PCDHGB4: variants seen among roughly 807,000 people sequenced by gnomAD.
PCDHGB4 encodes protocadherin gamma subfamily B, 4.
Under a neutral mutation model 60.5 loss-of-function variants are expected in PCDHGB4, and 38 were observed. The ratio of observed to expected loss-of-function variants is 0.63; its 90% confidence interval spans 0.48 to 0.82. The LOEUF (loss-of-function observed/expected upper bound fraction) is 0.82, where lower values mean the gene tolerates loss of function less well. Ranked by LOEUF, PCDHGB4 falls within the 40% of genes least tolerant of loss-of-function variation. PCDHGB4 has a pLI of 0.00. For missense variants in PCDHGB4, 1,109 were observed against 1,209.6 expected (o/e 0.92, Z 1.23); for synonymous variants, 456 against 509.7 (o/e 0.89, Z 1.42).
At position 141,485,939 on chromosome 5, in the gene PCDHGB4, C is replaced by A; in HGVS notation, c.2398-8868C>A. ...CAGGATTAGTGTGTTGGAGAGCGCA[C>A]CAGCGGGCATGGTGCTCATCCAGCT... On this transcript the variant is annotated intron_variant, in intron 1 of 3. Transcript: ENST00000519479. This position sits in a 1 kb window ranked among gnomAD's most constrained non-coding sequence, Gnocchi z 5.7. 1 of 1,614,140 alleles carries A rather than the reference C, an allele frequency of 6.2e-7. No homozygotes were observed. The highest frequency in any genetic ancestry group is 8.5e-7 in the Non-Finnish European group (1 of 1,180,030).
intron 1 of PCDHGB4, chr5:141,412,395 T>G (rs941350125): frequency 1.3e-5 from 2 of 152,246 alleles, no homozygotes; most frequent in African/African-American, 4.8e-5. Flanking sequence ...ATTTAACTTG[T>G]ATCCCTGTAA....
chr5:141,414,572 C>T, intron 1 of PCDHGB4: 1 of 1,613,960 alleles, frequency 6.2e-7, no homozygotes, highest in Non-Finnish European at 8.5e-7. Context: ...ACCTATATCC[C>T]AGAGAACAAC....
chr5:141,462,656 A>G (rs1427673992), intron 1 of PCDHGB4, among the ~76,000 whole-genome samples: 2 of 151,950 alleles, frequency 1.3e-5, no homozygotes, highest in African/African-American at 4.8e-5. Context: ...ATCCTCAATT[A>G]TCTTCATATT....
intron 1 of PCDHGB4, chr5:141,417,697 C>T: frequency 8.8e-7 from 1 of 1,140,966 alleles, no homozygotes; most frequent in Non-Finnish European, 1.2e-6. Context: ...AAAACCAGCT[C>T]CCACACAGAG....
chr5:141,412,973 C>G, intron 1 of PCDHGB4: 1 of 528,318 alleles, frequency 1.9e-6, no homozygotes, highest in Non-Finnish European at 3.3e-6. Flanking sequence ...GGAGAGAAAA[C>G]GCAGCCAGAG....
rs994726301 is a variant in PCDHGB4, at chr5:141,476,632, T to C, written c.2398-18175T>C. ...TGGGAAGCAACTCTTTACAAACCTA[T>C]GAGCTGAGCCGAAATGAATACTTTG... On this transcript the variant is annotated intron_variant, in intron 1 of 3. Transcript: ENST00000519479. The surrounding 1 kb of genome is among the most constrained non-coding windows in gnomAD (Gnocchi z 7.6). The C allele has an allele frequency of 8.7e-6, 14 of 1,614,098 alleles. No homozygotes were observed. Among genetic ancestry groups the C allele is most frequent in the Admixed American group, 1.7e-5 (1 of 60,016 alleles).
chr5:141,450,258 T>A (rs1267755848), intron 1 of PCDHGB4, among the ~76,000 whole-genome samples: 1 of 152,096 alleles, frequency 6.6e-6, no homozygotes, highest in Non-Finnish European at 1.5e-5. Context: ...CCTCAAGTGA[T>A]CTGCCCACCT....
intron 1 of PCDHGB4, among the ~76,000 whole-genome samples, chr5:141,457,187 G>A (rs1314148733): frequency 1.3e-5 from 2 of 152,210 alleles, no homozygotes; most frequent in Admixed American, 1.3e-4. Flanking sequence ...ATAGTAGAGT[G>A]AGGAAAGCAG....
chr5:141,400,337 C>G (rs752660585), intron 1 of PCDHGB4: 7 of 1,614,080 alleles, frequency 4.3e-6, no homozygotes, highest in African/African-American at 2.7e-5. Flanking sequence ...GTGGTTCCCC[C>G]CAACTACAGT....
chr5:141,501,162 C>T (rs922957843), intron 2 of PCDHGB4, among the ~76,000 whole-genome samples: 1 of 152,134 alleles, frequency 6.6e-6, no homozygotes, highest in Non-Finnish European at 1.5e-5. Context: ...CCACCATCCC[C>T]AGCCTCATTT....
intron 1 of PCDHGB4, among the ~76,000 whole-genome samples, chr5:141,434,630 A>G (rs2097706465): frequency 6.6e-6 from 1 of 152,106 alleles, no homozygotes; most frequent in African/African-American, 2.4e-5. Flanking sequence ...CGTTTCCCAT[A>G]AGGGATACTT....
chr5:141,482,885 A>G (rs1353686606), intron 1 of PCDHGB4, among the ~76,000 whole-genome samples: 2 of 152,202 alleles, frequency 1.3e-5, no homozygotes. Flanking sequence ...CAGCCTGGCC[A>G]ACATGGTGAA....
intron 1 of PCDHGB4, chr5:141,399,663 G>C: frequency 6.2e-7 from 1 of 1,613,624 alleles, no homozygotes; most frequent in Non-Finnish European, 8.5e-7. Context: ...TGGTGTTCGC[G>C]CAGCGCGCCT....
At chr5:141,419,159 T>G in intron 1 of PCDHGB4, 1 of 1,613,916 alleles carries the variant, frequency 6.2e-7, no homozygotes, top group Non-Finnish European at 8.5e-7. Flanking sequence ...TCCGTTATCC[T>G]CCAGCAAAAC....
intron 1 of PCDHGB4, chr5:141,419,265 C>G: frequency 6.2e-7 from 1 of 1,614,040 alleles, no homozygotes; most frequent in Non-Finnish European, 8.5e-7. Context: ...CAGCCGGGTG[C>G]CTCCATAGCG....
At position 141,431,337 on chromosome 5, in the gene PCDHGB4, A is replaced by C. The variant is rs1412811147; in HGVS notation, c.2397+41056A>C. On this transcript the variant is annotated intron_variant, in intron 1 of 3. Coordinates refer to ENST00000519479, the MANE Select transcript of PCDHGB4 (RefSeq NM_003736.4). The surrounding 1 kb of genome is among the most constrained non-coding windows in gnomAD (Gnocchi z 4.8). ...GGAGCCGACGGTAGTAAGTACCCCG[A>C]ATTGGTGCTGAAACGCGCCCTGGAC... 6.2e-7 allele frequency: 1 copy of C among 1,613,926 alleles called. No homozygotes were observed. The highest frequency in any genetic ancestry group is 1.7e-5 in the Admixed American group (1 of 60,006).
intron 1 of PCDHGB4, chr5:141,415,463 T>G: frequency 6.2e-7 from 1 of 1,614,228 alleles, no homozygotes; most frequent in South Asian, 1.1e-5. Flanking sequence ...GAGGTCTCTC[T>G]CACCGCGGAC....
intron 3 of PCDHGB4, among the ~76,000 whole-genome samples, chr5:141,509,700 TGGA>T (rs1407159498): frequency 6.6e-6 from 1 of 152,192 alleles, no homozygotes; most frequent in East Asian, 1.9e-4. Flanking sequence ...GACGTTGGAC[TGGA>T]GGTGCTGTCT....
rs768648952 is a variant in PCDHGB4 at position 141,477,230 on chromosome 5, G to C, written c.2398-17577G>C. 6.2e-7 allele frequency: 1 copy of C among 1,614,046 alleles called. No homozygotes were observed. Among genetic ancestry groups the C allele is most frequent in the East Asian group, 2.2e-5 (1 of 44,890 alleles). ...GGATGCCCCTCTGGGGACTGTCATC[G>C]CTTTGCTCAGTGTGACTGACCTGGA... On this transcript the variant is annotated intron_variant, in intron 1 of 3. Transcript: ENST00000519479. The surrounding 1 kb of genome is among the most constrained non-coding windows in gnomAD (Gnocchi z 4.9).
Sources: gnomAD v4.1 joint callset for allele counts (sites outside exome capture counted in the v4.1 genomes callset) on GRCh38, gnomAD v4.1.1 for gene constraint, Gnocchi (gnomAD v3.1) non-coding constraint, MANE v1.5 for transcripts, NCBI Gene and HGNC (gene_info 2026-07-23, HGNC 2026-07-21) for gene names.